ANK3: variants seen among roughly 807,000 people sequenced by gnomAD.
ANK3 encodes ankyrin-3.
A neutral mutation model predicts 370.9 loss-of-function variants in ANK3; 57 were observed. The ratio of observed to expected loss-of-function variants is 0.15; its 90% CI spans 0.12 to 0.19. The LOEUF (loss-of-function observed/expected upper bound fraction) is 0.19, where lower values mean the gene tolerates loss of function less well. Ranked by LOEUF, ANK3 falls within the 10% of genes least tolerant of loss-of-function variation. The pLI is 1.00. For missense variants in ANK3, 4,439 were observed against 5,302.1 expected (o/e 0.84, Z 5.06); for synonymous variants, 1,929 against 1,946.3 (o/e 0.99, Z 0.23).
At chr10:60,313,680 A>C (rs930564705) in intron 1 of ANK3, among the ~76,000 whole-genome samples, 4 of 152,208 alleles carry the variant, frequency 2.6e-5, no homozygotes, top group Non-Finnish European at 5.9e-5. Flanking sequence ...AGTTCATTAA[A>C]CTCAGCTACC....
chr10:60,566,325 C>T (rs530072058), intron 2 of ANK3, among the ~76,000 whole-genome samples: 1 of 152,224 alleles, frequency 6.6e-6, no homozygotes, highest in Non-Finnish European at 1.5e-5. Context: ...TTTAAATGTT[C>T]AAGGGAAGGA....
At chr10:60,049,652 AT>A (rs1318419835) in intron 42 of ANK3, among the ~76,000 whole-genome samples, 2 of 152,128 alleles carry the variant, frequency 1.3e-5, no homozygotes, top group African/African-American at 4.8e-5. Flanking sequence ...ATTATAGTGG[AT>A]TTTTGTCTTT....
At chr10:60,315,471 G>T (rs1299894609) in intron 1 of ANK3, among the ~76,000 whole-genome samples, 1 of 152,080 alleles carries the variant, frequency 6.6e-6, no homozygotes, top group African/African-American at 2.4e-5. Flanking sequence ...AGCTCACTAA[G>T]GTTGCAATGA....
At position 60,147,323 on chromosome 10, in the gene ANK3, G is replaced by C. The variant is rs181932423; in HGVS notation, c.2615-8236C>G. On this transcript the variant is annotated intron_variant, in intron 23 of 43. Transcript: ENST00000280772. ...CCGTGCTCAAGGTATACAATAGAGT[G>C]AGCATTCACTTCCTGCCCCCTTCAC... Among the ~76,000 whole-genome samples, 382 of 152,284 alleles carry C rather than the reference G, an allele frequency of 2.5e-3. 2 individuals carry two copies. Among genetic ancestry groups the C allele is most frequent in the African/African-American group, 8.3e-3 (345 of 41,532 alleles).
At chr10:60,507,515 A>G (rs1056319127) in intron 2 of ANK3, 29 of 152,062 alleles carry the variant, frequency 1.9e-4, no homozygotes, top group African/African-American at 6.3e-4. Context: ...CTGAAAACAC[A>G]CTTAGGCATA....
chr10:60,035,314 T>C (rs145480390), intron 43 of ANK3, among the ~76,000 whole-genome samples: 2,172 of 152,194 alleles, frequency 0.014, 63 homozygotes, highest in African/African-American at 0.049. Flanking sequence ...AGTGGTACGA[T>C]CTTGGCTTGC....
At chr10:60,349,548 C>A (rs2056441591) in intron 1 of ANK3, among the ~76,000 whole-genome samples, 1 of 152,000 alleles carries the variant, frequency 6.6e-6, no homozygotes, top group African/African-American at 2.4e-5. Context: ...GTATGAAAAT[C>A]TTAATCCTTA....
chr10:60,637,001 C>G (rs7069814), intron 1 of ANK3, among the ~76,000 whole-genome samples: 102,903 of 152,036 alleles, frequency 0.68, 34,965 homozygotes, highest in South Asian at 0.82. Context: ...TTCAAATTCT[C>G]CTTTATTTCC....
chr10:60,395,830 A>G (rs1474091800), intron 2 of ANK3, among the ~76,000 whole-genome samples: 1 of 152,116 alleles, frequency 6.6e-6, no homozygotes, highest in Non-Finnish European at 1.5e-5. Context: ...TGGGCGAGAA[A>G]GACAAGGACA....
intron 8 of ANK3, among the ~76,000 whole-genome samples, chr10:60,227,414 T>C (rs1325520166): frequency 6.6e-6 from 1 of 152,088 alleles, no homozygotes; most frequent in Non-Finnish European, 1.5e-5. Flanking sequence ...TGGTTTTCTT[T>C]GTATTTATCC....
In ANK3 at chr10:60,108,843, C is replaced by A. The variant is rs368218301; in HGVS notation, c.3160G>T (p.Ala1054Ser). Reference sequence around the variant, plus strand: ...AAAACAACTTACCCTAAAAATTGTGCCCCTGCAGGACCCATTTCTACCAGC... The same window carrying A: ...AAAACAACTTACCCTAAAAATTGTGACCCTGCAGGACCCATTTCTACCAGC... ...SRLVEMGPAGAQFLGPVIVEI... is the reference protein window; with the variant it reads ...SRLVEMGPAGSQFLGPVIVEI... Residue 1054 changes from alanine (A) to serine (S), a missense_variant, in exon 27 of 44, where the codon GCA (alanine) becomes TCA (serine). By Grantham distance (99) the Ala-to-Ser change is moderately conservative. Transcript: ENST00000280772. 3 of 1,613,630 alleles carry A rather than the reference C, an allele frequency of 1.9e-6. No homozygotes were observed. The highest frequency in any genetic ancestry group is 1.3e-5 in the African/African-American group (1 of 75,032).
intron 2 of ANK3, among the ~76,000 whole-genome samples, chr10:60,407,905 T>A (rs537498676): frequency 6.6e-5 from 10 of 152,204 alleles, no homozygotes; most frequent in Non-Finnish European, 1.3e-4. Context: ...ATTATTTCTG[T>A]GAAGAATGAA....
At chr10:60,076,602 G>T in intron 36 of ANK3, 154 bp from the exon 37 acceptor site, 1 of 1,017,296 alleles carries the variant, frequency 9.8e-7, no homozygotes, top group Non-Finnish European at 1.3e-6. Context: ...AGAGGCAAAA[G>T]GAACAATTAA....
chr10:60,580,673 T>C lies in ANK3; in HGVS notation c.96+34513A>G, dbSNP rs185131257. Among the ~76,000 whole-genome samples, 3 of 152,204 alleles carry C rather than the reference T, an allele frequency of 2.0e-5. 1 individual carries two copies. The highest frequency in any genetic ancestry group is 7.2e-5 in the African/African-American group (3 of 41,584). ...TTATTATTTAACTCTTGTAACATAG[T>C]GTATAAAATTTTTTTTTCACTAAAA... On this transcript the variant is annotated intron_variant, in intron 2 of 43. Transcript: ENST00000373827.
chr10:60,280,460 A>G (rs2098144327), intron 1 of ANK3, among the ~76,000 whole-genome samples: 2 of 152,200 alleles, frequency 1.3e-5, no homozygotes, highest in Non-Finnish European at 2.9e-5. Context: ...AGCAGAAAGA[A>G]ATACATATAC....
At position 60,439,240 on chromosome 10, in the gene ANK3, TGTG is replaced by T. The variant is rs369919825; in HGVS notation, c.97-159604_97-159602del. 6.2e-3 allele frequency among the ~76,000 whole-genome samples: 942 copies of T among 152,248 alleles called. 12 individuals are homozygous for T. Among genetic ancestry groups the T allele is most frequent in the African/African-American group, 0.021 (854 of 41,536 alleles). The stretch of plus-strand genomic sequence containing the variant: ...TGGCTCCACTGTAAAAATGACTCAA[TGTG>T]GTGGCTCCCTGTAGCTAACTTCTGT... On this transcript the variant is annotated intron_variant, in intron 2 of 43. Coordinates refer to the ANK3 transcript ENST00000373827.
rs980906112 is a variant in ANK3 at position 60,321,222 on chromosome 10, A to C, written c.115-41583T>G. ...CTGGCAGCATGAGACCCTCTTCTCT[A>C]CAAAAAATTTAAAAAATTAGCCAGC... is the stretch of plus-strand genomic sequence containing the variant. On this transcript the variant is annotated intron_variant, in intron 1 of 43. Coordinates refer to ENST00000280772, the MANE Select transcript of ANK3 (RefSeq NM_020987.5). Among the ~76,000 whole-genome samples, 8 of 152,182 alleles carry C rather than the reference A, an allele frequency of 5.3e-5. No homozygotes were observed. In the South Asian group the frequency reaches 1.5e-3, roughly 28 times the overall value.
At chr10:60,214,273 A>G (rs1055421657) in intron 8 of ANK3, among the ~76,000 whole-genome samples, 4 of 152,176 alleles carry the variant, frequency 2.6e-5, no homozygotes. Context: ...GCTTTTATAC[A>G]TATTAGTGCT....
At chr10:60,601,942 G>A (rs901514048) in intron 2 of ANK3, among the ~76,000 whole-genome samples, 3 of 152,122 alleles carry the variant, frequency 2.0e-5, no homozygotes, top group African/African-American at 7.2e-5. Flanking sequence ...TATGCTCAGT[G>A]AAGTACAGCG....
Sources: allele counts gnomAD v4.1 joint callset (sites outside exome capture counted in the v4.1 genomes callset), GRCh38; gene constraint gnomAD v4.1.1; transcripts MANE v1.5; gene names NCBI Gene and HGNC (gene_info 2026-07-23, HGNC 2026-07-21).